Variants in PRRG1 observed in about 807,000 individuals in gnomAD.
The protein encoded by PRRG1 is proline rich and Gla domain 1.
A neutral mutation model predicts 11.8 loss-of-function variants in PRRG1; 5 were observed. The ratio of observed to expected loss-of-function variants is 0.42; its 90% CI spans 0.22 to 0.89. The LOEUF is 0.89. PRRG1 is among the 40% of genes least tolerant of loss of function. The pLI is 0.28. For missense variants in PRRG1, 155 were observed against 166.1 expected (o/e 0.93, Z 0.37); for synonymous variants, 66 against 60.4 (o/e 1.09, Z -0.43).
chrX:37,444,132 GT>G (rs1265975900), intron 3 of PRRG1, among the ~76,000 whole-genome samples: 2 of 111,670 alleles, frequency 1.8e-5, no homozygotes, highest in Non-Finnish European at 3.8e-5. Context: ...GGTCATATAA[GT>G]TTCCAGAAGG....
In PRRG1 at chrX:37,456,479, G is replaced by T; in HGVS notation, c.*2858G>T. On this transcript the variant is annotated 3_prime_UTR_variant, in exon 4 of 4. Coordinates refer to ENST00000378628, the MANE Select transcript of PRRG1 (RefSeq NM_001142395.2). ...ATGACTGTAGCTTTTTAGACTGTTG[G>T]TCAAAGAACATTCTACTTCACAGTA... The T allele has an allele frequency of 8.9e-6, 1 of 112,390 alleles. No individual in the cohort carries two copies. Among genetic ancestry groups the T allele is most frequent in the Non-Finnish European group, 1.9e-5 (1 of 53,249 alleles). 9.3% of individuals were successfully genotyped at this position (112,390 alleles called of 1,213,427 possible).
rs1288458075 is a variant in PRRG1, at chrX:37,453,823, G to A, written c.*202G>A. 2.3e-6 allele frequency: 1 copy of A among 426,420 alleles called. No individual in the cohort carries two copies. The highest frequency in any genetic ancestry group is 3.8e-6 in the Non-Finnish European group (1 of 265,796). The allele number at this position is 426,420 out of a possible 1,213,427, so 35.1% of individuals were successfully genotyped here. A position where few individuals can be genotyped will look rare whatever the true frequency, so the allele number is the denominator to read the frequency against. On this transcript the variant is annotated 3_prime_UTR_variant, in exon 4 of 4. Transcript: ENST00000378628. Reference sequence around the variant, plus strand: ...CTCATTTTTGCTAGGGGAAATATATGAAGAGGGAAAACATACTAATGGGGG... The same window carrying A: ...CTCATTTTTGCTAGGGGAAATATATAAAGAGGGAAAACATACTAATGGGGG...
chrX:37,438,430 C>CTTTT (rs782783420), intron 3 of PRRG1, among the ~76,000 whole-genome samples: 7 of 69,037 alleles, frequency 1.0e-4, no homozygotes, highest in Admixed American at 1.7e-4. Flanking sequence ...GAATTTTTTC[C>CTTTT]TTTTTTTTTT....
chrX:37,359,956 T>A (rs73466212), intron 1 of PRRG1, among the ~76,000 whole-genome samples: 1,500 of 111,656 alleles, frequency 0.013, 32 homozygotes, highest in African/African-American at 0.045. Flanking sequence ...TTCATAATAT[T>A]CCTTTATTAT....
Position 37,371,320 on chromosome X carries a change from G to A in PRRG1, c.-42+21925G>A, listed in dbSNP as rs374180001. On this transcript the variant is annotated intron_variant, in intron 1 of 3. Coordinates refer to ENST00000378628, the MANE Select transcript of PRRG1 (RefSeq NM_001142395.2). ...TGCCTGTGGAGAGGAGCTACCCAATGTGGGTCTCCTCTGAGCTGTTCTGTC... is the reference window on the plus strand; with the variant it reads ...TGCCTGTGGAGAGGAGCTACCCAATATGGGTCTCCTCTGAGCTGTTCTGTC... Among the ~76,000 whole-genome samples, 21 of 112,016 alleles carry A rather than the reference G, an allele frequency of 1.9e-4. 1 individual carries two copies. The highest frequency in any genetic ancestry group is 8.4e-4 in the East Asian group (3 of 3,551).
At chrX:37,357,906 AT>A (rs1964273976) in intron 1 of PRRG1, among the ~76,000 whole-genome samples, 1 of 112,241 alleles carries the variant, frequency 8.9e-6, no homozygotes, top group Non-Finnish European at 1.9e-5. Context: ...CCTTGCCAGC[AT>A]TTGGTGTTGT....
At chrX:37,354,283 G>A (rs1160321053) in intron 1 of PRRG1, among the ~76,000 whole-genome samples, 1 of 111,889 alleles carries the variant, frequency 8.9e-6, no homozygotes, top group African/African-American at 3.2e-5. Flanking sequence ...CATTCAGACA[G>A]GTTGGTGGAG....
chrX:37,355,142 C>G (rs782400920), intron 1 of PRRG1, among the ~76,000 whole-genome samples: 6 of 110,630 alleles, frequency 5.4e-5, no homozygotes, highest in Non-Finnish European at 9.5e-5. Context: ...TGGTCTCAAA[C>G]TCCTGGGCTG....
At chrX:37,445,550 C>G (rs5963080) in intron 3 of PRRG1, among the ~76,000 whole-genome samples, 1,602 of 112,228 alleles carry the variant, frequency 0.014, 38 homozygotes, top group African/African-American at 0.05. Flanking sequence ...ACAACTTACT[C>G]GATCATGCCC....
At chrX:37,351,162 T>G (rs781930005) in intron 1 of PRRG1, among the ~76,000 whole-genome samples, 2 of 111,725 alleles carry the variant, frequency 1.8e-5, no homozygotes, top group South Asian at 3.8e-4. Context: ...CCTAATAAAC[T>G]AACTTACAGA....
chrX:37,394,061 C>A lies in PRRG1; in HGVS notation c.-41-12148C>A, dbSNP rs574448363. 9.7e-4 allele frequency among the ~76,000 whole-genome samples: 109 copies of A among 112,271 alleles called. 1 individual carries two copies. The South Asian group carries it at 0.039, about 40-fold the overall frequency. The stretch of plus-strand genomic sequence containing the variant: ...TTTACTATGCAAACATGAGTAAGTC[C>A]ATTTCTCTGAAATTTAGTTTTATCA... On this transcript the variant is annotated intron_variant, in intron 1 of 3. Transcript: ENST00000378628.
At chrX:37,391,107 C>T in intron 1 of PRRG1, among the ~76,000 whole-genome samples, 1 of 111,765 alleles carries the variant, frequency 8.9e-6, no homozygotes, top group East Asian at 2.8e-4. Flanking sequence ...CCAACCTAGG[C>T]CTCACTGATT....
intron 1 of PRRG1, among the ~76,000 whole-genome samples, chrX:37,382,757 T>C (rs1457647782): frequency 9.0e-6 from 1 of 111,576 alleles, no homozygotes; most frequent in Non-Finnish European, 1.9e-5. Flanking sequence ...TAGTGATGCA[T>C]ATGAGGAAAT....
intron 1 of PRRG1, among the ~76,000 whole-genome samples, chrX:37,404,096 A>G (rs782311493): frequency 8.9e-5 from 10 of 112,097 alleles, no homozygotes; most frequent in Non-Finnish European, 1.7e-4. Flanking sequence ...CACAACTGAA[A>G]TAGGTTTGAT....
At chrX:37,357,014 TATG>T (rs1174076428) in intron 1 of PRRG1, among the ~76,000 whole-genome samples, 1 of 111,841 alleles carries the variant, frequency 8.9e-6, no homozygotes, top group Non-Finnish European at 1.9e-5. Context: ...GTATTAATAT[TATG>T]ATATGATATA....
chrX:37,398,746 G>A (rs781811677), intron 1 of PRRG1, among the ~76,000 whole-genome samples: 58 of 111,567 alleles, frequency 5.2e-4, no homozygotes, highest in African/African-American at 1.8e-3. Flanking sequence ...AAATTTAGAC[G>A]AATGTATAAC....
intron 1 of PRRG1, among the ~76,000 whole-genome samples, chrX:37,378,144 C>T (rs937635320): frequency 3.6e-5 from 4 of 111,992 alleles, no homozygotes; most frequent in African/African-American, 1.3e-4. Flanking sequence ...TTTTTCCAGA[C>T]GATTCTGAAA....
chrX:37,375,673 G>C (rs375176849), intron 1 of PRRG1, among the ~76,000 whole-genome samples: 2 of 111,291 alleles, frequency 1.8e-5, no homozygotes, highest in East Asian at 5.6e-4. Context: ...TGGATACTCA[G>C]GAACCACTAT....
chrX:37,430,535 A>G (rs782691541), intron 3 of PRRG1, among the ~76,000 whole-genome samples: 1 of 111,993 alleles, frequency 8.9e-6, no homozygotes, highest in Non-Finnish European at 1.9e-5. Context: ...GCTTAGTTGT[A>G]TAATACACAA....
Sources: gnomAD v4.1 joint callset for allele counts (sites outside exome capture counted in the v4.1 genomes callset) on GRCh38, gnomAD v4.1.1 for gene constraint, MANE v1.5 for transcripts, NCBI Gene and HGNC (gene_info 2026-07-23, HGNC 2026-07-21) for gene names.